Variants in RTN4RL1 observed in about 807,000 individuals in gnomAD.
RTN4RL1 encodes reticulon 4 receptor like 1, also known as reticulon-4 receptor-like 1.
A neutral mutation model predicts 25.6 loss-of-function variants in RTN4RL1; 7 were observed. The ratio of observed to expected loss-of-function variants is 0.27; its 90% CI spans 0.16 to 0.51. RTN4RL1 has a LOEUF of 0.51. Ranked by LOEUF, RTN4RL1 falls within the 20% of genes least tolerant of loss-of-function variation. RTN4RL1 has a pLI of 0.97. For missense variants in RTN4RL1, 500 were observed against 615.6 expected (o/e 0.81, Z 1.99); for synonymous variants, 297 against 288.2 (o/e 1.03, Z -0.31).
At chr17:1,954,953 C>T (rs1915760800) in intron 1 of RTN4RL1, among the ~76,000 whole-genome samples, 1 of 152,238 alleles carries the variant, frequency 6.6e-6, no homozygotes, top group Admixed American at 6.5e-5. Flanking sequence ...TTTCCAGCCT[C>T]AGCTCACAGA....
intron 1 of RTN4RL1, among the ~76,000 whole-genome samples, chr17:2,005,230 C>T (rs1410776783): frequency 2.6e-5 from 4 of 152,142 alleles, no homozygotes; most frequent in African/African-American, 7.2e-5. Flanking sequence ...TGTTCTCAAA[C>T]TCCTGGGCTC....
chr17:2,021,593 C>G (rs1255425322), intron 1 of RTN4RL1, among the ~76,000 whole-genome samples: 2 of 122,772 alleles, frequency 1.6e-5, no homozygotes, highest in East Asian at 5.5e-4. Context: ...CTCGCATCTT[C>G]TCCTGGGCTG....
intron 1 of RTN4RL1, among the ~76,000 whole-genome samples, chr17:1,950,912 C>G (rs72808044): frequency 0.041 from 6,028 of 145,438 alleles, 244 homozygotes; most frequent in Admixed American, 0.093. Flanking sequence ...CTCTCTCTCT[C>G]TGTCTCTCTT....
chr17:1,951,233 C>A (rs1250956913), intron 1 of RTN4RL1, among the ~76,000 whole-genome samples: 1 of 151,724 alleles, frequency 6.6e-6, no homozygotes, highest in Non-Finnish European at 1.5e-5. Flanking sequence ...CCACTGCACT[C>A]CAGCCTGGGC....
intron 1 of RTN4RL1, among the ~76,000 whole-genome samples, chr17:1,980,053 T>C (rs1456530954): frequency 4.6e-5 from 7 of 151,974 alleles, no homozygotes; most frequent in Admixed American, 3.9e-4. Context: ...GGCTCAGATA[T>C]ATTTTTTCTT....
rs1288194366 is a variant in RTN4RL1, at chr17:2,025,286, C to T, written c.-421G>A. 3 of 158,688 alleles carry T rather than the reference C, an allele frequency of 1.9e-5. No individual in the cohort carries two copies. Among genetic ancestry groups the T allele is most frequent in the Non-Finnish European group, 4.1e-5 (3 of 72,598 alleles). The allele number at this position is 158,688 out of a possible 1,614,324, so 9.8% of individuals were successfully genotyped here. On this transcript the variant is annotated 5_prime_UTR_variant, in exon 1 of 2. Transcript: ENST00000331238. The surrounding 1 kb of genome is among the most constrained non-coding windows in gnomAD (Gnocchi z 4.8). ...AGCAAAAGGGCGCTCGCACGCACCG[C>T]CGAGCTCCGGGGAAAGCGCCCGGCG...
chr17:1,999,435 G>A (rs531779872), intron 1 of RTN4RL1, among the ~76,000 whole-genome samples: 6 of 142,884 alleles, frequency 4.2e-5, no homozygotes, highest in African/African-American at 1.6e-4. Context: ...AACAGAGCAA[G>A]ACTCCGTCTC....
chr17:1,953,417 G>C (rs1029757154), intron 1 of RTN4RL1, among the ~76,000 whole-genome samples: 3 of 151,992 alleles, frequency 2.0e-5, no homozygotes, highest in South Asian at 4.1e-4. Flanking sequence ...ATTAAAATTG[G>C]GGGGAGGGAT....
At chr17:1,939,168 C>A (rs918207772) in intron 1 of RTN4RL1, among the ~76,000 whole-genome samples, 10 of 151,682 alleles carry the variant, frequency 6.6e-5, no homozygotes, top group Non-Finnish European at 1.2e-4. Context: ...CTGGCTAACA[C>A]GGCGAAACCC....
At position 2,024,866 on chromosome 17, in the gene RTN4RL1, G is replaced by A. The variant is rs780801247; in HGVS notation, c.-1C>T. On this transcript the variant is annotated 5_prime_UTR_variant, in exon 1 of 2. Transcript: ENST00000331238. ...GCTCCAACTCACCTTTGCGAAGCAT[G>A]TTGGCCACGGGGCCGCCGCTCCGAG... The A allele has an allele frequency of 1.9e-6, 3 of 1,584,644 alleles. No individual in the cohort carries two copies. The highest frequency in any genetic ancestry group is 1.4e-5 in the African/African-American group (1 of 73,736).
chr17:1,988,833 G>A (rs1241934091), intron 1 of RTN4RL1, among the ~76,000 whole-genome samples: 1 of 149,644 alleles, frequency 6.7e-6, no homozygotes, highest in Non-Finnish European at 1.5e-5. Context: ...CAACATTACA[G>A]GCAGCACAGC....
At chr17:2,002,355 C>G (rs896532221) in intron 1 of RTN4RL1, among the ~76,000 whole-genome samples, 11 of 150,132 alleles carry the variant, frequency 7.3e-5, no homozygotes, top group Admixed American at 2.7e-4. Context: ...TGCAGTGGCG[C>G]GATCTCGGCT....
chr17:1,967,179 T>C (rs888059584), intron 1 of RTN4RL1, among the ~76,000 whole-genome samples: 1 of 151,718 alleles, frequency 6.6e-6, no homozygotes, highest in Non-Finnish European at 1.5e-5. Flanking sequence ...CCCTGGGTTA[T>C]CAATTCTTTG....
chr17:1,935,903 G>C lies in RTN4RL1; in HGVS notation c.*593C>G, dbSNP rs1915292933. On this transcript the variant is annotated 3_prime_UTR_variant, in exon 2 of 2. Transcript: ENST00000331238. The stretch of plus-strand genomic sequence containing the variant: ...TTCTTGGACCCCAGCAGTTGGACCT[G>C]GGTCTGCCAGGGTTGCCTGAGACAT... 2.0e-6 allele frequency: 2 copies of C among 985,434 alleles called. No homozygotes were observed. Among genetic ancestry groups the C allele is most frequent in the African/African-American group, 1.8e-5 (1 of 57,130 alleles). The allele number at this position is 985,434 out of a possible 1,614,324, so 61.0% of individuals were successfully genotyped here. A position where few individuals can be genotyped will look rare whatever the true frequency, so the allele number is the denominator to read the frequency against.
intron 1 of RTN4RL1, among the ~76,000 whole-genome samples, chr17:1,979,556 G>C (rs906020432): frequency 1.3e-5 from 2 of 152,140 alleles, no homozygotes; most frequent in African/African-American, 4.8e-5. Flanking sequence ...ACCACTCAAG[G>C]CTTTGCCTAA....
intron 1 of RTN4RL1, among the ~76,000 whole-genome samples, chr17:2,013,724 GAACA>G (rs2067082532): frequency 9.1e-6 from 1 of 109,314 alleles, no homozygotes; most frequent in African/African-American, 3.7e-5. Context: ...CCTCACCCTG[GAACA>G]TAAATACCCC....
At chr17:1,969,517 A>C (rs1284826723) in intron 1 of RTN4RL1, among the ~76,000 whole-genome samples, 1 of 152,196 alleles carries the variant, frequency 6.6e-6, no homozygotes, top group African/African-American at 2.4e-5. Flanking sequence ...CTAGCCGATC[A>C]CAGTGGATGA....
chr17:1,965,750 C>T (rs1381936755), intron 1 of RTN4RL1, among the ~76,000 whole-genome samples: 1 of 152,182 alleles, frequency 6.6e-6, no homozygotes, highest in Non-Finnish European at 1.5e-5. Context: ...CCCCCACTGC[C>T]CTCAGCGCTG....
At chr17:1,977,723 CA>C (rs1239916239) in intron 1 of RTN4RL1, among the ~76,000 whole-genome samples, 1 of 152,148 alleles carries the variant, frequency 6.6e-6, no homozygotes, top group African/African-American at 2.4e-5. Context: ...GAGCAGCCAG[CA>C]GATTAAAAAC....
Sources: gnomAD v4.1 joint callset for allele counts (sites outside exome capture counted in the v4.1 genomes callset) on GRCh38, gnomAD v4.1.1 for gene constraint, Gnocchi (gnomAD v3.1) non-coding constraint, MANE v1.5 for transcripts, NCBI Gene and HGNC (gene_info 2026-07-23, HGNC 2026-07-21) for gene names.